Variants in DNAJC3 observed in about 807,000 individuals in gnomAD.
DNAJC3 encodes dnaJ homolog subfamily C member 3.
DNAJC3 carries 38 observed loss-of-function variants against 68.6 expected under a neutral mutation model. The ratio of observed to expected loss-of-function variants is 0.55; its 90% confidence interval spans 0.43 to 0.73. The LOEUF (loss-of-function observed/expected upper bound fraction) is 0.73, where lower values mean the gene tolerates loss of function less well. Among genes scored for constraint, DNAJC3 ranks in the 30% least tolerant of loss-of-function variants. The pLI is 0.00. For missense variants in DNAJC3, 526 were observed against 591.9 expected (o/e 0.89, Z 1.16); for synonymous variants, 203 against 204.0 (o/e 1.00, Z 0.04).
At chr13:95,703,473 A>G (rs753832173) in intron 1 of DNAJC3, among the ~76,000 whole-genome samples, 1 of 152,188 alleles carries the variant, frequency 6.6e-6, no homozygotes, top group Non-Finnish European at 1.5e-5. Context: ...CTGACACAGG[A>G]AGATGGAGTG....
chr13:95,779,119 C>CTT (rs142933580), intron 9 of DNAJC3, among the ~76,000 whole-genome samples: 1,002 of 97,882 alleles, frequency 0.01, 25 homozygotes, highest in African/African-American at 0.024. Context: ...TTTCTTCTTT[C>CTT]TTTTTTTTTT....
At chr13:95,735,782 T>C (rs1484916365) in intron 4 of DNAJC3, among the ~76,000 whole-genome samples, 2 of 152,132 alleles carry the variant, frequency 1.3e-5, no homozygotes, top group Non-Finnish European at 2.9e-5. Flanking sequence ...GCCTGTTCAC[T>C]CTGATGATAG....
chr13:95,736,235 T>C (rs1881913033), intron 4 of DNAJC3, among the ~76,000 whole-genome samples: 1 of 152,196 alleles, frequency 6.6e-6, no homozygotes, highest in Admixed American at 6.5e-5. Context: ...CCTTGTAGTA[T>C]AGTTTGAAGT....
At chr13:95,688,515 TAC>T (rs1273371044) in intron 1 of DNAJC3, among the ~76,000 whole-genome samples, 1 of 144,214 alleles carries the variant, frequency 6.9e-6, no homozygotes, top group Admixed American at 6.9e-5. Context: ...CTGCTTTTTC[TAC>T]AGTTTTTTTT....
chr13:95,748,139 ATAT>A (rs1379717604), intron 4 of DNAJC3, among the ~76,000 whole-genome samples: 1 of 152,162 alleles, frequency 6.6e-6, no homozygotes, highest in Non-Finnish European at 1.5e-5. Flanking sequence ...TACGTGGATA[ATAT>A]TTAAATTTAG....
Position 95,793,043 on chromosome 13 carries a change from A to G in DNAJC3, c.*2013A>G, listed in dbSNP as rs1883830068. The G allele has an allele frequency of 6.6e-6, 1 of 152,192 alleles. No homozygotes were observed. The highest frequency in any genetic ancestry group is 1.5e-5 in the Non-Finnish European group (1 of 68,058). The allele number at this position is 152,192 out of a possible 1,614,324, so 9.4% of individuals were successfully genotyped here. On this transcript the variant is annotated 3_prime_UTR_variant, in exon 12 of 12. Coordinates refer to ENST00000602402, the MANE Select transcript of DNAJC3 (RefSeq NM_006260.5). Reference sequence around the variant, plus strand: ...CCTGGCCACCTCCCACCTGCTGCCCAGAGGCTTGTTTGCATTTTCATTTTT... The same window carrying G: ...CCTGGCCACCTCCCACCTGCTGCCCGGAGGCTTGTTTGCATTTTCATTTTT...
At chr13:95,678,957 A>G (rs1171993934) in intron 1 of DNAJC3, among the ~76,000 whole-genome samples, 1 of 152,170 alleles carries the variant, frequency 6.6e-6, no homozygotes, top group African/African-American at 2.4e-5. Flanking sequence ...TTGTCTGTGT[A>G]AAATAGCAGG....
In DNAJC3 at chr13:95,792,051, C is replaced by CCTGT. The variant is rs1317437098; in HGVS notation, c.*1025_*1028dup. On this transcript the variant is annotated 3_prime_UTR_variant, in exon 12 of 12. Transcript: ENST00000602402. ...GGTCTGTGGTGCCTCCCACGTGGGA[C>CCTGT]CTGTCTGCTGGTATGTGTTAAACAG... The CCTGT allele has an allele frequency of 2.0e-5, 3 of 152,168 alleles. No homozygotes were observed. Among genetic ancestry groups the CCTGT allele is most frequent in the African/African-American group, 2.4e-5 (1 of 41,442 alleles). 9.4% of individuals were successfully genotyped at this position (152,168 alleles called of 1,614,324 possible). A position where few individuals can be genotyped will look rare whatever the true frequency, so the allele number is the denominator to read the frequency against.
chr13:95,712,867 T>C (rs898595292), intron 2 of DNAJC3, among the ~76,000 whole-genome samples: 1 of 152,148 alleles, frequency 6.6e-6, no homozygotes, highest in African/African-American at 2.4e-5. Flanking sequence ...CGGGGGAAAA[T>C]ACAGTTTTAC....
At chr13:95,742,272 A>G (rs1021987324) in intron 4 of DNAJC3, among the ~76,000 whole-genome samples, 5 of 152,112 alleles carry the variant, frequency 3.3e-5, no homozygotes, top group African/African-American at 7.2e-5. Flanking sequence ...GGGGATGTCA[A>G]TGGGGCACAA....
At chr13:95,734,953 A>T (rs1593989660) in intron 4 of DNAJC3, among the ~76,000 whole-genome samples, 1 of 139,212 alleles carries the variant, frequency 7.2e-6, no homozygotes, top group African/African-American at 2.7e-5. Context: ...ATATCTCCCG[A>T]TGCTATCCCT....
intron 9 of DNAJC3, among the ~76,000 whole-genome samples, chr13:95,772,238 T>A (rs1208414605): frequency 6.6e-6 from 1 of 152,248 alleles, no homozygotes; most frequent in Non-Finnish European, 1.5e-5. Flanking sequence ...AATAATCCTA[T>A]CCTTGATGAA....
intron 1 of DNAJC3, among the ~76,000 whole-genome samples, chr13:95,680,569 TA>T (rs1441626096): frequency 1.1e-4 from 16 of 152,232 alleles, no homozygotes; most frequent in Non-Finnish European, 1.8e-4. Flanking sequence ...AGAATTATTT[TA>T]AATTCTTTAA....
Position 95,791,158 on chromosome 13 carries a change from A to G in DNAJC3, c.*128A>G, listed in dbSNP as rs961356882. On this transcript the variant is annotated 3_prime_UTR_variant, in exon 12 of 12. Coordinates refer to ENST00000602402, the MANE Select transcript of DNAJC3 (RefSeq NM_006260.5). Reference sequence around the variant, plus strand: ...TCCATGACCAAAGAGTTGCTTTAATAGGAAAAAATCTGTTCTTATCCCTGT... The same window carrying G: ...TCCATGACCAAAGAGTTGCTTTAATGGGAAAAAATCTGTTCTTATCCCTGT... 1 of 1,114,634 alleles carries G rather than the reference A, an allele frequency of 9.0e-7. No homozygotes were observed. The highest frequency in any genetic ancestry group is 1.3e-6 in the Non-Finnish European group (1 of 783,956). 69.0% of individuals were successfully genotyped at this position (1,114,634 alleles called of 1,614,324 possible). A position where few individuals can be genotyped will look rare whatever the true frequency, so the allele number is the denominator to read the frequency against.
At chr13:95,756,406 C>T (rs532668695) in intron 4 of DNAJC3, among the ~76,000 whole-genome samples, 2 of 152,292 alleles carry the variant, frequency 1.3e-5, no homozygotes, top group South Asian at 4.1e-4. Flanking sequence ...ATGAGTACTT[C>T]AAGTCCTGTT....
At chr13:95,709,074 TTA>T (rs1880862262) in intron 1 of DNAJC3, among the ~76,000 whole-genome samples, 151 bp from the exon 2 acceptor site, 2 of 152,242 alleles carry the variant, frequency 1.3e-5, no homozygotes, top group Non-Finnish European at 2.9e-5. Context: ...GGTTTGTATT[TTA>T]TGTTACGTTC....
chr13:95,704,849 G>GTTTTTTTTTTTTTTTTTTTTTTTT (rs1292968162), intron 1 of DNAJC3, among the ~76,000 whole-genome samples: 4 of 102,882 alleles, frequency 3.9e-5, no homozygotes, highest in African/African-American at 2.9e-4. Context: ...CTGTGTGTGT[G>GTTTTTTTTTTTTTTTTTTTTTTTT]TGTTTTTTTT....
intron 4 of DNAJC3, among the ~76,000 whole-genome samples, chr13:95,756,237 G>C (rs138358644): frequency 4.6e-5 from 7 of 152,126 alleles, no homozygotes; most frequent in Non-Finnish European, 7.3e-5. Flanking sequence ...TACTCTCTCC[G>C]ATGGGGTTTA....
At position 95,791,254 on chromosome 13, in the gene DNAJC3, G is replaced by A; in HGVS notation, c.*224G>A. On this transcript the variant is annotated 3_prime_UTR_variant, in exon 12 of 12. Coordinates refer to ENST00000602402, the MANE Select transcript of DNAJC3 (RefSeq NM_006260.5). ...GGTTCTATTTCTGACAGAGCAGCCT[G>A]CATCTGCTTTATGCTGTCTGGAGGG... The A allele has an allele frequency of 1.8e-6, 1 of 554,060 alleles. No individual in the cohort carries two copies. Among genetic ancestry groups the A allele is most frequent in the Non-Finnish European group, 3.2e-6 (1 of 317,118 alleles). The allele number at this position is 554,060 out of a possible 1,614,324, so 34.3% of individuals were successfully genotyped here. A position where few individuals can be genotyped will look rare whatever the true frequency, so the allele number is the denominator to read the frequency against.
Sources: gnomAD v4.1 joint callset for allele counts (sites outside exome capture counted in the v4.1 genomes callset) on GRCh38, gnomAD v4.1.1 for gene constraint, MANE v1.5 for transcripts, NCBI Gene and HGNC (gene_info 2026-07-23, HGNC 2026-07-21) for gene names.